The following ATP10B variants were observed in gnomAD, a reference collection of about 807,000 sequenced individuals.
The protein encoded by ATP10B is ATPase phospholipid transporting 10B (putative).
A neutral mutation model predicts 141.2 loss-of-function variants in ATP10B; 122 were observed. That is an observed-to-expected ratio of 0.86 (90% confidence interval 0.75 to 1.00). ATP10B has a LOEUF of 1.00. Among genes scored for constraint, ATP10B ranks in the 50% least tolerant of loss-of-function variants. The pLI is 0.00. For synonymous variants in ATP10B, 685 were observed against 692.0 expected (o/e 0.99, Z 0.16); for missense variants, 1,876 against 1,825.3 (o/e 1.03, Z -0.51).
chr5:160,682,385 C>G (rs1763460919), intron 6 of ATP10B, among the ~76,000 whole-genome samples: 2 of 152,172 alleles, frequency 1.3e-5, no homozygotes, highest in African/African-American at 2.4e-5. Context: ...CCATGCTCCT[C>G]CCTGCCAGTG....
intron 2 of ATP10B, among the ~76,000 whole-genome samples, chr5:160,784,373 A>G (rs1038752306): frequency 5.9e-5 from 9 of 152,320 alleles, no homozygotes; most frequent in Admixed American, 3.9e-4. Flanking sequence ...TCAAATTCTT[A>G]TCTAAAAAAC....
At chr5:160,596,938 G>C (rs1040054902) in intron 22 of ATP10B, among the ~76,000 whole-genome samples, 1 of 152,168 alleles carries the variant, frequency 6.6e-6, no homozygotes, top group African/African-American at 2.4e-5. Context: ...TGGGTAGGAA[G>C]AATCAATATT....
At chr5:160,824,496 G>A (rs1774424733) in intron 1 of ATP10B, among the ~76,000 whole-genome samples, 1 of 152,078 alleles carries the variant, frequency 6.6e-6, no homozygotes, top group Non-Finnish European at 1.5e-5. Flanking sequence ...CTTAACAATG[G>A]GCCAACAATC....
chr5:160,658,960 C>T (rs890914804), intron 7 of ATP10B, among the ~76,000 whole-genome samples: 6 of 152,038 alleles, frequency 3.9e-5, no homozygotes, highest in African/African-American at 1.4e-4. Context: ...ATCCGTATAC[C>T]ATATTAGATT....
intron 1 of ATP10B, among the ~76,000 whole-genome samples, chr5:160,831,714 C>T (rs1775092492): frequency 6.6e-6 from 1 of 152,036 alleles, no homozygotes; most frequent in African/African-American, 2.4e-5. Flanking sequence ...GTGAAAAGTG[C>T]TGAATACCTC....
At chr5:160,664,666 C>A (rs973318580) in intron 7 of ATP10B, among the ~76,000 whole-genome samples, 1 of 152,184 alleles carries the variant, frequency 6.6e-6, no homozygotes, top group African/African-American at 2.4e-5. Flanking sequence ...CTGACAAGCT[C>A]TCAGTGATGC....
intron 8 of ATP10B, 59 bp downstream of exon 8, chr5:160,649,112 A>G: frequency 6.3e-6 from 8 of 1,262,602 alleles, no homozygotes; most frequent in Middle Eastern, 1.8e-4. Context: ...TTTCTAGACA[A>G]TATATTTTCT....
chr5:160,638,557 T>G (rs1759592862), intron 10 of ATP10B, among the ~76,000 whole-genome samples: 1 of 152,048 alleles, frequency 6.6e-6, no homozygotes, highest in South Asian at 2.1e-4. Flanking sequence ...TGAGCCAGCC[T>G]CAAGTGGAGT....
chr5:160,671,164 CAAAAAAAAAAAA>C (rs1167788105), intron 6 of ATP10B, among the ~76,000 whole-genome samples: 3 of 23,740 alleles, frequency 1.3e-4, no homozygotes, highest in East Asian at 1.7e-3. Flanking sequence ...GACTCTGTCT[CAAAAAAAAAAAA>C]AAAAAAAAAA....
chr5:160,775,072 C>T (rs141012076), intron 2 of ATP10B, among the ~76,000 whole-genome samples: 3 of 152,350 alleles, frequency 2.0e-5, no homozygotes, highest in East Asian at 1.9e-4. Context: ...GTTTGTTTGA[C>T]TCCTTTGAAC....
At chr5:160,580,860 T>TTA (rs1755502028) in intron 24 of ATP10B, among the ~76,000 whole-genome samples, 7 of 152,192 alleles carry the variant, frequency 4.6e-5, no homozygotes, top group Non-Finnish European at 1.0e-4. Context: ...TGTTCAGGGG[T>TTA]TTGACTTCTT....
chr5:160,791,837 A>T (rs568528000), intron 1 of ATP10B, among the ~76,000 whole-genome samples: 1 of 152,250 alleles, frequency 6.6e-6, no homozygotes, highest in African/African-American at 2.4e-5. Flanking sequence ...GAAATAAGAG[A>T]ATGGACTTGG....
intron 8 of ATP10B, among the ~76,000 whole-genome samples, chr5:160,646,941 A>C (rs1760321639): frequency 1.3e-5 from 2 of 152,124 alleles, no homozygotes; most frequent in African/African-American, 4.8e-5. Context: ...TGTCCTGTGC[A>C]TTGTAGCATC....
At chr5:160,895,128 A>C in the ATP10B span, among the ~76,000 whole-genome samples, 3 of 152,234 alleles carry the variant, frequency 2.0e-5, no homozygotes, top group African/African-American at 7.2e-5. Flanking sequence ...CATCGAAATT[A>C]TGAAGAAACT....
upstream of ATP10B, among the ~76,000 whole-genome samples, chr5:160,855,435 A>G (rs1230618718): frequency 6.6e-6 from 1 of 151,278 alleles, no homozygotes; most frequent in East Asian, 1.9e-4. Flanking sequence ...TGTTTGGTGA[A>G]ATATTTCTTA....
In ATP10B at chr5:160,594,390, A is replaced by G. The variant is rs56755883; in HGVS notation, c.3565-3251T>C. Among the ~76,000 whole-genome samples the G allele has an allele frequency of 2.1e-3, 317 of 152,352 alleles. 3 individuals carry two copies. The highest frequency in any genetic ancestry group is 7.2e-3 in the South Asian group (35 of 4,828). On this transcript the variant is annotated intron_variant, in intron 22 of 25. Transcript: ENST00000327245. ...CCCTAAAAGAGCTCCTGAAGGAAGC[A>G]CTAAACATGGAAAGGAACAACCAGT...
At chr5:160,592,723 T>G (rs1236331255) in intron 22 of ATP10B, among the ~76,000 whole-genome samples, 2 of 152,238 alleles carry the variant, frequency 1.3e-5, no homozygotes, top group Non-Finnish European at 2.9e-5. Context: ...ATACTGTGCT[T>G]TTCCAACAGG....
chr5:160,646,444 C>A (rs1444665098), intron 8 of ATP10B, among the ~76,000 whole-genome samples: 1 of 152,050 alleles, frequency 6.6e-6, no homozygotes, highest in East Asian at 1.9e-4. Flanking sequence ...GTAAGTGATC[C>A]TGGTTTCCCA....
At chr5:160,908,342 A>G in the ATP10B span, among the ~76,000 whole-genome samples, 2 of 152,166 alleles carry the variant, frequency 1.3e-5, no homozygotes, top group African/African-American at 4.8e-5. Flanking sequence ...AAATAAGCAC[A>G]CAAGATAATA....
Sources: allele counts gnomAD v4.1 joint callset (sites outside exome capture counted in the v4.1 genomes callset), GRCh38; gene constraint gnomAD v4.1.1; transcripts MANE v1.5; gene names NCBI Gene and HGNC (gene_info 2026-07-23, HGNC 2026-07-21).